Variants in PHGDH observed in about 807,000 individuals in gnomAD.
PHGDH encodes the protein D-3-phosphoglycerate dehydrogenase.
In PHGDH, 50 loss-of-function variants were observed where a neutral mutation model predicts 52.6. That is an observed-to-expected ratio of 0.95 (90% CI 0.76 to 1.20). The LOEUF (loss-of-function observed/expected upper bound fraction) is 1.20, where lower values mean the gene tolerates loss of function less well. PHGDH is among the 50% of genes most tolerant of loss of function. The pLI is 0.00. For synonymous variants in PHGDH, 271 were observed against 280.5 expected (o/e 0.97, Z 0.34); for missense variants, 630 against 684.6 (o/e 0.92, Z 0.89).
chr1:119,712,405 T>A, intron 1 of PHGDH: 1 of 483,136 alleles, frequency 2.1e-6, no homozygotes, highest in East Asian at 4.1e-5. Context: ...ATGCCTCCGC[T>A]AGCATTGCAA....
intron 1 of PHGDH, among the ~76,000 whole-genome samples, chr1:119,717,623 T>G (rs1330931071): frequency 6.6e-6 from 1 of 152,226 alleles, no homozygotes; most frequent in Non-Finnish European, 1.5e-5. Flanking sequence ...ATTTCTTGTT[T>G]AGTTCTTCCT....
chr1:119,714,299 C>T (rs1422755254), intron 1 of PHGDH: 1 of 152,182 alleles, frequency 6.6e-6, no homozygotes, highest in Non-Finnish European at 1.5e-5. Flanking sequence ...GTTCCCACTG[C>T]CTTGTATTCT....
chr1:119,743,834 G>A (rs2236399), intron 11 of PHGDH, 52 bp from the exon 12 acceptor site: 11 of 1,411,760 alleles, frequency 7.8e-6, no homozygotes, highest in Admixed American at 6.7e-5. Flanking sequence ...CCAATCCCTC[G>A]CTCCTTTTTC....
intron 5 of PHGDH, among the ~76,000 whole-genome samples, chr1:119,728,063 A>T (rs1238397935): frequency 1.3e-5 from 2 of 152,224 alleles, no homozygotes; most frequent in East Asian, 3.9e-4. Flanking sequence ...TGTGTTTTTT[A>T]CTATTATAAT....
chr1:119,712,156 T>G lies in PHGDH; in HGVS notation c.134T>G (p.Leu45Arg). The G allele has an allele frequency of 6.2e-7, 1 of 1,613,970 alleles. No homozygotes were observed. Among genetic ancestry groups the G allele is most frequent in the South Asian group, 1.1e-5 (1 of 91,052 alleles). ...AGCAAAGAGGAGCTGATAGCGGAGCTGCAGGTAAGGCGAGAGAGAGAAAAT... is the reference window on the plus strand; with the variant it reads ...AGCAAAGAGGAGCTGATAGCGGAGCGGCAGGTAAGGCGAGAGAGAGAAAAT... ...NLSKEELIAE[L>R]QDCEGLIVRS... Residue 45 changes from leucine to arginine, a missense_variant, in exon 1 of 12, where the codon CTG (leucine) becomes CGG (arginine). By Grantham distance (102) the Leu-to-Arg change is moderately radical. Transcript: ENST00000641023.
intron 9 of PHGDH, among the ~76,000 whole-genome samples, chr1:119,741,071 A>G (rs1652184102): frequency 6.6e-6 from 1 of 152,206 alleles, no homozygotes. Context: ...GAATGAGAAC[A>G]GTGCCCTCTG....
rs587599267 is a variant in PHGDH, at chr1:119,724,690, G to T, written c.356+1249G>T. On this transcript the variant is annotated intron_variant, in intron 3 of 11. Transcript: ENST00000641023. Reference sequence around the variant, plus strand: ...TTTTTTTTTTTTGAGTAAGGGAAAAGATCTCAATGTGGCTTTCTGATTAAT... The same window carrying T: ...TTTTTTTTTTTTGAGTAAGGGAAAATATCTCAATGTGGCTTTCTGATTAAT... 9.1e-5 allele frequency: 37 copies of T among 404,898 alleles called. No homozygotes were observed. In the East Asian group the frequency reaches 2.5e-3, roughly 27 times the overall value. The allele number at this position is 404,898 out of a possible 1,614,324, so 25.1% of individuals were successfully genotyped here. A position where few individuals can be genotyped will look rare whatever the true frequency, so the allele number is the denominator to read the frequency against.
At chr1:119,717,052 A>G (rs1420803902) in intron 1 of PHGDH, among the ~76,000 whole-genome samples, 1 of 151,892 alleles carries the variant, frequency 6.6e-6, no homozygotes, top group African/African-American at 2.4e-5. Context: ...TTATATATTT[A>G]TCTATTTTTT....
intron 1 of PHGDH, among the ~76,000 whole-genome samples, chr1:119,718,854 A>G (rs150180331): frequency 6.6e-6 from 1 of 152,312 alleles, no homozygotes; most frequent in East Asian, 1.9e-4. Flanking sequence ...AAGGAGACCA[A>G]AACTGCAGGT....
In PHGDH at chr1:119,741,890, G is replaced by A. The variant is rs1271517396; in HGVS notation, c.1202G>A (p.Gly401Asp). The A allele has an allele frequency of 6.2e-7, 1 of 1,613,678 alleles. No homozygotes were observed. Among genetic ancestry groups the A allele is most frequent in the Admixed American group, 1.7e-5 (1 of 60,030 alleles). Residue 401 changes from glycine to aspartate, a missense_variant, in exon 10 of 12, where the codon GGC becomes GAC. Physicochemically the swap from Gly to Asp is moderately conservative, Grantham distance 94. Transcript: ENST00000641023. ...GCTAAGCTGCTGGTGAAAGAGGCTG[G>A]CCTCAATGTGCGCCCCTCTCCCCCA... ...VNAKLLVKEA[G>D]LNVTTSHSPA...
chr1:119,739,004 AAG>A lies in PHGDH; in HGVS notation c.946-1378_946-1377del, dbSNP rs1652067485. Reference sequence around the variant, plus strand: ...TAGTCTTAGAGTAGCCATTTGGAAAAAGAGACATTTTTGTCACATAAGAAATA... The same window carrying A: ...TAGTCTTAGAGTAGCCATTTGGAAAAAGACATTTTTGTCACATAAGAAATA... On this transcript the variant is annotated intron_variant, in intron 8 of 11. Coordinates refer to ENST00000641023, the MANE Select transcript of PHGDH (RefSeq NM_006623.4). 3.9e-5 allele frequency among the ~76,000 whole-genome samples: 6 copies of A among 152,366 alleles called. No homozygotes were observed. In the South Asian group the frequency reaches 1.2e-3, roughly 32 times the overall value.
chr1:119,730,691 G>T (rs1402591563), intron 5 of PHGDH, among the ~76,000 whole-genome samples: 3 of 152,298 alleles, frequency 2.0e-5, no homozygotes, highest in East Asian at 3.9e-4. Context: ...TGGGTATTTA[G>T]ATTGTGTATA....
intron 3 of PHGDH, chr1:119,726,580 A>G (rs1651424867): frequency 5.4e-6 from 3 of 559,812 alleles, no homozygotes; most frequent in South Asian, 4.1e-5. Context: ...ACTCTGGTTG[A>G]TGCCTCAGTG....
intron 9 of PHGDH, among the ~76,000 whole-genome samples, chr1:119,741,509 AG>A (rs1177251310): frequency 6.6e-6 from 1 of 152,112 alleles, no homozygotes; most frequent in Non-Finnish European, 1.5e-5. Context: ...AGGGTTGGGG[AG>A]CGGAGTGGAG....
At chr1:119,712,222 C>A in intron 1 of PHGDH, 62 bp downstream of exon 1, 2 of 1,504,790 alleles carry the variant, frequency 1.3e-6, no homozygotes, top group Non-Finnish European at 1.8e-6. Context: ...AGGCTGGCTG[C>A]GCCCAGGCCA....
In PHGDH at chr1:119,742,739, G is replaced by A. The variant is rs1439727276; in HGVS notation, c.1210-68G>A. ...CCTACATCCTACCAATGGGTGATTTGGCCAAGAGAGGAGGGTGGACGTGGT... is the reference window on the plus strand; with the variant it reads ...CCTACATCCTACCAATGGGTGATTTAGCCAAGAGAGGAGGGTGGACGTGGT... On this transcript the variant is annotated intron_variant, in intron 10 of 11. Transcript: ENST00000641023. The A allele has an allele frequency of 3.2e-6, 3 of 938,020 alleles. No individual in the cohort carries two copies. In the African/African-American group the frequency reaches 4.9e-5, roughly 15 times the overall value. The allele number at this position is 938,020 out of a possible 1,614,324, so 58.1% of individuals were successfully genotyped here.
At chr1:119,721,586 A>C in intron 2 of PHGDH, 1 of 429,058 alleles carries the variant, frequency 2.3e-6, no homozygotes. Context: ...GCATAATCTC[A>C]AAATGTTTCA....
chr1:119,741,932 C>T (rs1652228304), intron 10 of PHGDH, 35 bp downstream of exon 10: 1 of 1,570,152 alleles, frequency 6.4e-7, no homozygotes, highest in Non-Finnish European at 8.8e-7. Flanking sequence ...CTCCCCATCC[C>T]TGTCAGCACT....
intron 5 of PHGDH, chr1:119,729,697 AT>A (rs1651607209): frequency 6.6e-6 from 1 of 152,192 alleles, no homozygotes; most frequent in African/African-American, 2.4e-5. Context: ...CAAGAGGTGC[AT>A]GGGTACCTGG....
Sources: gnomAD v4.1 joint callset for allele counts (sites outside exome capture counted in the v4.1 genomes callset) on GRCh38, gnomAD v4.1.1 for gene constraint, MANE v1.5 for transcripts, NCBI Gene and HGNC (gene_info 2026-07-23, HGNC 2026-07-21) for gene names.